Variants in FMN1 observed in about 807,000 individuals in gnomAD.
FMN1 encodes formin-1.
A neutral mutation model predicts 132.4 loss-of-function variants in FMN1; 110 were observed. The ratio of observed to expected loss-of-function variants is 0.83; its 90% CI spans 0.71 to 0.97. The LOEUF (loss-of-function observed/expected upper bound fraction) is 0.97. FMN1 is among the 50% of genes least tolerant of loss of function. The pLI is 0.00. For synonymous variants in FMN1, 722 were observed against 651.7 expected, an observed-to-expected ratio of 1.11 and a Z score of -1.64; for missense variants, 1,792 against 1,705.3, an observed-to-expected ratio of 1.05 and a Z score of -0.90.
Position 32,986,106 on chromosome 15 carries a change from T to C in FMN1, c.2224-16629A>G, listed in dbSNP as rs1381016315. Among the ~76,000 whole-genome samples the C allele has an allele frequency of 2.6e-5, 4 of 152,100 alleles. No individual in the cohort carries two copies. The East Asian group carries it at 7.7e-4, about 29-fold the overall frequency. ...GGGGTTATAGATTTATTCTTTGTGGTGGCAAGGCTCTTTTTGAGTTCCTGT... is the reference window on the plus strand; with the variant it reads ...GGGGTTATAGATTTATTCTTTGTGGCGGCAAGGCTCTTTTTGAGTTCCTGT... On this transcript the variant is annotated intron_variant, in intron 7 of 20. Coordinates refer to ENST00000616417, the MANE Select transcript of FMN1 (RefSeq NM_001277313.2).
chr15:32,781,845 T>C (rs1210493542), intron 19 of FMN1, among the ~76,000 whole-genome samples: 3 of 152,212 alleles, frequency 2.0e-5, no homozygotes, highest in Non-Finnish European at 4.4e-5. Context: ...AAATACTATA[T>C]GTGATTACTG....
At chr15:32,811,696 G>A (rs974966587) in intron 17 of FMN1, among the ~76,000 whole-genome samples, 4 of 148,658 alleles carry the variant, frequency 2.7e-5, no homozygotes, top group South Asian at 4.3e-4. Context: ...ACGGAGTCTC[G>A]CTCTGTCACT....
chr15:33,093,414 G>A (rs2038970839), intron 4 of FMN1, among the ~76,000 whole-genome samples: 1 of 152,212 alleles, frequency 6.6e-6, no homozygotes, highest in Non-Finnish European at 1.5e-5. Context: ...CTAATGGAAA[G>A]TGACACTGCT....
intron 5 of FMN1, among the ~76,000 whole-genome samples, chr15:33,073,732 GTTTT>G (rs763275526): frequency 9.1e-6 from 1 of 109,894 alleles, no homozygotes; most frequent in Non-Finnish European, 1.8e-5. Context: ...TACCTAGCTT[GTTTT>G]TTTTTTTTTT....
Position 32,969,198 on chromosome 15 carries a change from T to C in FMN1, c.2503A>G (p.Ile835Val). 2.5e-6 allele frequency: 4 copies of C among 1,613,894 alleles called. No homozygotes were observed. Among genetic ancestry groups the C allele is most frequent in the Non-Finnish European group, 3.4e-6 (4 of 1,179,876 alleles). ...SNQLVPKKLN[I>V]SSLSQLSPPN... The stretch of plus-strand genomic sequence containing the variant: ...GGTGAGAGCTGGCTTAAAGAGGAGA[T>C]ATTCAGCTTTTTGGGTACTAATTGA... The change falls in exon 8 of 21, where the codon ATC becomes GTC. Residue 835 changes from isoleucine (I) to valine (V), a missense_variant. Physicochemically the swap from Ile to Val is conservative, Grantham distance 29. Transcript: ENST00000616417.
rs369636169 is a variant in FMN1 at position 32,900,105 on chromosome 15, G to A, written c.3528C>T (p.Ser1176=). 2.0e-4 allele frequency: 320 copies of A among 1,613,672 alleles called. No individual in the cohort carries two copies. The highest frequency in any genetic ancestry group is 8.3e-4 in the Middle Eastern group (5 of 6,060). ...RASKDLLHVK[S]VKDILALILA... ...AGATGAGAGCTAAAATATCCTTCAC[G>A]CTCTTCACGTGCAGCAAGTCCTGTG... Residue 1176 remains serine (S), a synonymous_variant, in exon 14 of 21, where the codon AGC becomes AGT. Coordinates refer to ENST00000616417, the MANE Select transcript of FMN1 (RefSeq NM_001277313.2).
rs185961329 is a variant in FMN1 at position 32,891,895 on chromosome 15, T to C, written c.3715-3603A>G. On this transcript the variant is annotated intron_variant, in intron 15 of 20. Coordinates refer to ENST00000616417, the MANE Select transcript of FMN1 (RefSeq NM_001277313.2). ...TGTACAGAAGAGCTACTAATTTGTG[T>C]ACATTAATCTTGTATCCTGAAACTT... Among the ~76,000 whole-genome samples, 51 of 152,218 alleles carry C rather than the reference T, an allele frequency of 3.4e-4. 1 individual carries two copies. The Middle Eastern group carries it at 0.014, about 41-fold the overall frequency.
At chr15:32,920,861 T>C (rs369473722) in intron 10 of FMN1, among the ~76,000 whole-genome samples, 62 of 152,338 alleles carry the variant, frequency 4.1e-4, no homozygotes, top group African/African-American at 1.4e-3. Context: ...TACATTTCTA[T>C]AGACATAGCT....
intron 6 of FMN1, among the ~76,000 whole-genome samples, chr15:33,061,240 C>A (rs933969259): frequency 6.6e-6 from 1 of 152,100 alleles, no homozygotes; most frequent in Non-Finnish European, 1.5e-5. Flanking sequence ...TGTCCTTCAC[C>A]CAGTCAAGCC....
chr15:32,944,879 A>G (rs2061476257), intron 9 of FMN1, among the ~76,000 whole-genome samples: 1 of 152,090 alleles, frequency 6.6e-6, no homozygotes, highest in Non-Finnish European at 1.5e-5. Context: ...TTTCCTATTG[A>G]TCATGGAGTC....
chr15:32,857,054 G>T lies in FMN1; in HGVS notation c.3889C>A (p.Gln1297Lys). The T allele has an allele frequency of 6.2e-7, 1 of 1,613,840 alleles. No individual in the cohort carries two copies. The highest frequency in any genetic ancestry group is 8.5e-7 in the Non-Finnish European group (1 of 1,179,746). Residue 1297 changes from glutamine (Q) to lysine (K), a missense_variant, in exon 17 of 21, where the codon CAG becomes AAG. Around this residue, in one of 3 missense-constraint regions of FMN1, gnomAD observed 1,150 missense variants for 1,043.1 expected, o/e 1.10. Coordinates refer to ENST00000616417, the MANE Select transcript of FMN1 (RefSeq NM_001277313.2). Reference sequence around the variant, plus strand: ...TCCTCTAGTTTGTCCTTGAAAGGCTGGAGATACTCCTTTGGGGACTCCTTG... The same window carrying T: ...TCCTCTAGTTTGTCCTTGAAAGGCTTGAGATACTCCTTTGGGGACTCCTTG... ...VCKESPKEYLQPFKDKLEEFF... is the reference protein window; with the variant it reads ...VCKESPKEYLKPFKDKLEEFF...
At chr15:32,899,293 A>G (rs1380213688) in intron 14 of FMN1, among the ~76,000 whole-genome samples, 1 of 152,146 alleles carries the variant, frequency 6.6e-6, no homozygotes, top group Non-Finnish European at 1.5e-5. Context: ...AATGGTGTGA[A>G]AAACAATCCA....
chr15:32,882,959 G>A (rs1242125922), intron 16 of FMN1, among the ~76,000 whole-genome samples: 1 of 152,262 alleles, frequency 6.6e-6, no homozygotes, highest in Non-Finnish European at 1.5e-5. Flanking sequence ...ACAAGAGCCA[G>A]CATGGCTGTA....
chr15:32,783,555 AAC>A (rs1392235136), intron 19 of FMN1, among the ~76,000 whole-genome samples: 2 of 152,046 alleles, frequency 1.3e-5, no homozygotes, highest in Admixed American at 6.6e-5. Flanking sequence ...CATCCTGGCT[AAC>A]ACAGTGAATC....
chr15:33,098,636 A>G (rs577052961), intron 4 of FMN1, among the ~76,000 whole-genome samples: 1 of 152,334 alleles, frequency 6.6e-6, no homozygotes, highest in Non-Finnish European at 1.5e-5. Flanking sequence ...ACGCAGGTAG[A>G]CAACCAATGA....
In FMN1 at chr15:32,984,058, C is replaced by A. The variant is rs548072497; in HGVS notation, c.2224-14581G>T. ...TTCCCCTGTCTCTACAGCCTGTTTT[C>A]TACCGCATTATACTTATGATGAGTG... On this transcript the variant is annotated intron_variant, in intron 7 of 20. Coordinates refer to ENST00000616417, the MANE Select transcript of FMN1 (RefSeq NM_001277313.2). 2.0e-5 allele frequency among the ~76,000 whole-genome samples: 3 copies of A among 152,222 alleles called. No individual in the cohort carries two copies. In the South Asian group the frequency reaches 6.2e-4, roughly 32 times the overall value.
At chr15:33,048,644 A>AAAACAAAAAAAAAAC (rs1555388956) in intron 6 of FMN1, among the ~76,000 whole-genome samples, 1 of 86,920 alleles carries the variant, frequency 1.2e-5, no homozygotes, top group African/African-American at 4.1e-5. Flanking sequence ...AAAAAAAAAA[A>AAAACAAAAAAAAAAC]AAAAACCAAC....
At chr15:32,778,620 C>T (rs2056567343) in intron 19 of FMN1, among the ~76,000 whole-genome samples, 1 of 152,034 alleles carries the variant, frequency 6.6e-6, no homozygotes, top group South Asian at 2.1e-4. Flanking sequence ...TTCACATCCA[C>T]TAGGACGGCT....
intron 10 of FMN1, among the ~76,000 whole-genome samples, chr15:32,919,380 A>G (rs76518823): frequency 0.063 from 9,619 of 152,250 alleles, 435 homozygotes; most frequent in Middle Eastern, 0.15. Context: ...GGCACCCGCC[A>G]AGAAGTTGAT....
Sources: allele counts gnomAD v4.1 joint callset (sites outside exome capture counted in the v4.1 genomes callset), GRCh38; gene constraint gnomAD v4.1.1; regional missense constraint gnomAD v4.1.1; transcripts MANE v1.5; gene names NCBI Gene and HGNC (gene_info 2026-07-23, HGNC 2026-07-21).